MYO1E: variants seen among roughly 807,000 people sequenced by gnomAD.
MYO1E encodes unconventional myosin-Ie.
Under a neutral mutation model 151.1 loss-of-function variants are expected in MYO1E, and 68 were observed. That is an observed-to-expected ratio of 0.45 (90% CI 0.37 to 0.55). MYO1E has a LOEUF of 0.55. MYO1E is among the 20% of genes least tolerant of loss of function. The probability of loss-of-function intolerance (pLI) is 0.00; values close to 1 mark genes in which losing one functional copy is unlikely to be tolerated. For synonymous variants in MYO1E, 601 were observed against 501.7 expected (o/e 1.20, Z -2.64); for missense variants, 1,363 against 1,389.3 (o/e 0.98, Z 0.30).
chr15:59,361,512 C>T (rs1464847624), intron 1 of MYO1E, among the ~76,000 whole-genome samples: 3 of 152,116 alleles, frequency 2.0e-5, no homozygotes, highest in African/African-American at 7.2e-5. Flanking sequence ...ATACTCATTT[C>T]AAGACAATGT....
intron 1 of MYO1E, among the ~76,000 whole-genome samples, chr15:59,307,593 T>C (rs1049075222): frequency 4.0e-5 from 6 of 148,796 alleles, no homozygotes; most frequent in African/African-American, 1.6e-4. Flanking sequence ...ATGATTCCAA[T>C]GAGTTTAGTT....
chr15:59,265,307 A>G (rs2080246822), intron 2 of MYO1E, among the ~76,000 whole-genome samples: 1 of 152,174 alleles, frequency 6.6e-6, no homozygotes, highest in Admixed American at 6.5e-5. Context: ...AGGACAACAG[A>G]CAAAGGTACC....
At position 59,174,210 on chromosome 15, in the gene MYO1E, T is replaced by C. The variant is rs1203128836; in HGVS notation, c.2080A>G (p.Lys694Glu). The C allele has an allele frequency of 1.2e-6, 2 of 1,613,952 alleles. No homozygotes were observed. Among genetic ancestry groups the C allele is most frequent in the Non-Finnish European group, 1.7e-6 (2 of 1,179,888 alleles). The change falls in exon 20 of 28, where the codon AAG becomes GAG. Residue 694 changes from lysine to glutamate, a missense_variant. Coordinates refer to ENST00000288235, the MANE Select transcript of MYO1E (RefSeq NM_004998.4). ...LFLLEEMRERKYDGYARVIQK... is the reference protein window; with the variant it reads ...LFLLEEMREREYDGYARVIQK... ...ATCACTCGAGCATACCCATCATACT[T>C]TCTCTCTCTCATCTCTTCTAAAAGA...
intron 18 of MYO1E, 144 bp from the exon 19 acceptor site, chr15:59,178,681 C>G (rs2079640326): frequency 6.3e-6 from 7 of 1,106,344 alleles, no homozygotes; most frequent in Non-Finnish European, 8.8e-6. Context: ...TTCGAAGGCT[C>G]AGGCGTGGAC....
chr15:59,208,534 C>A (rs1230871032), intron 14 of MYO1E, 147 bp downstream of exon 14: 7 of 998,048 alleles, frequency 7.0e-6, no homozygotes, highest in South Asian at 5.6e-5. Flanking sequence ...TATATACAAT[C>A]TTTTGTTTTG....
chr15:59,152,277 C>T lies in MYO1E; in HGVS notation c.3080+1313G>A, dbSNP rs144776316. Among the ~76,000 whole-genome samples the T allele has an allele frequency of 4.6e-3, 700 of 152,258 alleles. 12 individuals are homozygous for T. The highest frequency in any genetic ancestry group is 0.016 in the African/African-American group (657 of 41,556). On this transcript the variant is annotated intron_variant, in intron 26 of 27. Coordinates refer to ENST00000288235, the MANE Select transcript of MYO1E (RefSeq NM_004998.4). The stretch of plus-strand genomic sequence containing the variant: ...CAAAAAGGTAGATGGATGGCTGCCC[C>T]CTCAGAGGAAGGAGCTGTTGTTTCT...
At chr15:59,141,217 A>T (rs1232657994) in intron 26 of MYO1E, among the ~76,000 whole-genome samples, 2 of 152,116 alleles carry the variant, frequency 1.3e-5, no homozygotes, top group Non-Finnish European at 2.9e-5. Flanking sequence ...GAACTGGGCT[A>T]CAAGTGCACA....
intron 1 of MYO1E, among the ~76,000 whole-genome samples, chr15:59,280,640 GA>G (rs2080347975): frequency 6.7e-6 from 1 of 149,914 alleles, no homozygotes; most frequent in Non-Finnish European, 1.5e-5. Context: ...AAAAAAAAAG[GA>G]TGTCTTATAA....
intron 1 of MYO1E, among the ~76,000 whole-genome samples, chr15:59,297,298 G>C (rs1395750023): frequency 2.0e-5 from 3 of 148,856 alleles, no homozygotes; most frequent in African/African-American, 7.4e-5. Context: ...TAGAGACAGG[G>C]TCTTACTCTG....
intron 25 of MYO1E, among the ~76,000 whole-genome samples, chr15:59,157,147 TC>T (rs2079513832): frequency 6.6e-6 from 1 of 151,854 alleles, no homozygotes; most frequent in East Asian, 1.9e-4. Flanking sequence ...GATCACTTGA[TC>T]CAGGGAGGCT....
intron 23 of MYO1E, among the ~76,000 whole-genome samples, chr15:59,161,921 A>G (rs2079540202): frequency 6.6e-6 from 1 of 152,220 alleles, no homozygotes; most frequent in South Asian, 2.1e-4. Context: ...GCTGCCTATT[A>G]TAAGTTTCCC....
At chr15:59,245,744 A>G (rs1200386987) in intron 4 of MYO1E, among the ~76,000 whole-genome samples, 2 of 152,222 alleles carry the variant, frequency 1.3e-5, no homozygotes, top group African/African-American at 4.8e-5. Flanking sequence ...GATGGCAGCA[A>G]TAAAACTGCC....
intron 2 of MYO1E, among the ~76,000 whole-genome samples, chr15:59,262,989 T>C (rs2080232969): frequency 6.6e-6 from 1 of 151,864 alleles, no homozygotes; most frequent in African/African-American, 2.4e-5. Context: ...CTTGACTTCA[T>C]GGAGAGAATA....
At chr15:59,148,554 A>G (rs1204675629) in intron 26 of MYO1E, among the ~76,000 whole-genome samples, 2 of 152,190 alleles carry the variant, frequency 1.3e-5, no homozygotes, top group African/African-American at 4.8e-5. Context: ...ACATTACTGG[A>G]AATGTGGAAA....
intron 6 of MYO1E, among the ~76,000 whole-genome samples, chr15:59,230,071 T>TTCTCAACCAATAGC (rs2080017244): frequency 6.6e-6 from 1 of 152,224 alleles, no homozygotes; most frequent in Non-Finnish European, 1.5e-5. Context: ...CCTGGAAGAA[T>TTCTCAACCAATAGC]GTGTCAGTTC....
intron 16 of MYO1E, among the ~76,000 whole-genome samples, chr15:59,201,335 C>A (rs1158989390): frequency 2.0e-5 from 3 of 151,814 alleles, no homozygotes; most frequent in South Asian, 4.1e-4. Context: ...GTCAAGTAAT[C>A]CTCCCTCCTC....
At chr15:59,164,320 G>A (rs1005999076) in intron 22 of MYO1E, among the ~76,000 whole-genome samples, 1 of 152,218 alleles carries the variant, frequency 6.6e-6, no homozygotes, top group African/African-American at 2.4e-5. Context: ...ACCCTTTGAA[G>A]AATGAGATTT....
intron 4 of MYO1E, among the ~76,000 whole-genome samples, chr15:59,248,127 CAAAAAA>C (rs138467126): frequency 1.4e-4 from 5 of 35,888 alleles, no homozygotes; most frequent in East Asian, 9.8e-4. Context: ...GACTCCGTCT[CAAAAAA>C]AAAAAAAAAA....
At chr15:59,239,874 T>C (rs2140359991) in intron 4 of MYO1E, among the ~76,000 whole-genome samples, 1 of 152,354 alleles carries the variant, frequency 6.6e-6, no homozygotes, top group East Asian at 1.9e-4. Context: ...ACTTGAAACC[T>C]ACAGTATATG....
Sources: allele counts gnomAD v4.1 joint callset (sites outside exome capture counted in the v4.1 genomes callset), GRCh38; gene constraint gnomAD v4.1.1; transcripts MANE v1.5; gene names NCBI Gene and HGNC (gene_info 2026-07-23, HGNC 2026-07-21).